CDH18: variants seen among roughly 807,000 people sequenced by gnomAD.
The protein encoded by CDH18 is cadherin-18.
CDH18 carries 31 observed loss-of-function variants against 67.9 expected under a neutral mutation model. That is an observed-to-expected ratio of 0.46 (90% CI 0.34 to 0.62). The LOEUF is 0.62. CDH18 is among the 20% of genes least tolerant of loss of function. The pLI is 0.01. For synonymous variants in CDH18, 362 were observed against 347.2 expected (o/e 1.04, Z -0.48); for missense variants, 890 against 975.5 (o/e 0.91, Z 1.17).
chr5:20,311,900 T>C (rs1737030991), intron 1 of CDH18, among the ~76,000 whole-genome samples: 1 of 152,206 alleles, frequency 6.6e-6, no homozygotes, highest in African/African-American at 2.4e-5. Flanking sequence ...TCACATTTTT[T>C]TGAAGGAGTC....
intron 2 of CDH18, among the ~76,000 whole-genome samples, chr5:20,003,871 T>C (rs1438997246): frequency 2.0e-5 from 3 of 152,222 alleles, no homozygotes; most frequent in Non-Finnish European, 4.4e-5. Flanking sequence ...CACTCCAGCC[T>C]GGTCGACAGA....
chr5:20,120,798 A>C (rs1748289265), intron 2 of CDH18, among the ~76,000 whole-genome samples: 1 of 152,174 alleles, frequency 6.6e-6, no homozygotes, highest in Non-Finnish European at 1.5e-5. Flanking sequence ...GCATGAGAGC[A>C]TGTTTCATTC....
chr5:20,110,018 A>G (rs1317436517), intron 2 of CDH18, among the ~76,000 whole-genome samples: 2 of 152,192 alleles, frequency 1.3e-5, no homozygotes, highest in Non-Finnish European at 2.9e-5. Context: ...AAAGAGAGGC[A>G]GAGAGAGATC....
chr5:19,839,516 A>C (rs76512691), intron 2 of CDH18, among the ~76,000 whole-genome samples: 117 of 152,310 alleles, frequency 7.7e-4, no homozygotes, highest in African/African-American at 2.6e-3. Flanking sequence ...CTACACATGA[A>C]TTACCTACTG....
At chr5:20,126,634 AAG>A in intron 2 of CDH18, among the ~76,000 whole-genome samples, 1 of 152,306 alleles carries the variant, frequency 6.6e-6, no homozygotes, top group Non-Finnish European at 1.5e-5. Context: ...CCAAATTTCC[AAG>A]TTAAAAATTT....
chr5:20,054,194 A>G (rs144889415), intron 2 of CDH18, among the ~76,000 whole-genome samples: 141 of 152,296 alleles, frequency 9.3e-4, no homozygotes, highest in African/African-American at 3.1e-3. Context: ...GCAGGATGTT[A>G]CATCCCCAAA....
chr5:19,881,473 T>A (rs1242876918), intron 2 of CDH18, among the ~76,000 whole-genome samples: 1 of 151,822 alleles, frequency 6.6e-6, no homozygotes, highest in African/African-American at 2.4e-5. Flanking sequence ...TGTTCATTAT[T>A]CAAACGCTGA....
chr5:19,908,696 C>T (rs1027206289), intron 2 of CDH18, among the ~76,000 whole-genome samples: 2 of 152,058 alleles, frequency 1.3e-5, no homozygotes, highest in African/African-American at 2.4e-5. Flanking sequence ...TGTCATATGG[C>T]CTATTTTCAT....
Position 19,809,550 on chromosome 5 carries a change from C to T in CDH18, c.228+29209G>A, listed in dbSNP as rs534490947. Among the ~76,000 whole-genome samples, 125 of 152,200 alleles carry T rather than the reference C, an allele frequency of 8.2e-4. 1 individual carries two copies. Among genetic ancestry groups the T allele is most frequent in the African/African-American group, 2.5e-3 (102 of 41,522 alleles). ...TAATAAAAAAAAATTAGACTATATA[C>T]TCACCAGCTTTAAAAAGTAGCAAAG... On this transcript the variant is annotated intron_variant, in intron 3 of 12. Transcript: ENST00000382275.
chr5:20,072,644 C>T (rs1743582017), intron 2 of CDH18, among the ~76,000 whole-genome samples: 1 of 151,788 alleles, frequency 6.6e-6, no homozygotes, highest in Non-Finnish European at 1.5e-5. Flanking sequence ...AGTGCACGTG[C>T]AATGAACAGT....
At chr5:20,326,666 G>A (rs1352307230) in intron 1 of CDH18, among the ~76,000 whole-genome samples, 2 of 151,430 alleles carry the variant, frequency 1.3e-5, no homozygotes, top group African/African-American at 4.9e-5. Context: ...AGCTTTCTGA[G>A]TAGCTGGCAC....
intron 1 of CDH18, among the ~76,000 whole-genome samples, chr5:20,566,954 A>G (rs993657210): frequency 2.6e-5 from 4 of 152,144 alleles, no homozygotes; most frequent in Non-Finnish European, 5.9e-5. Context: ...CCATTAGCCA[A>G]TTGTTCAATA....
intron 2 of CDH18, among the ~76,000 whole-genome samples, chr5:20,143,828 A>G (rs1750429552): frequency 6.6e-6 from 1 of 152,160 alleles, no homozygotes; most frequent in Admixed American, 6.6e-5. Flanking sequence ...CAGATCGCAT[A>G]CCGTGGAAAC....
At chr5:20,507,483 T>C (rs1754728862) in intron 1 of CDH18, among the ~76,000 whole-genome samples, 1 of 152,168 alleles carries the variant, frequency 6.6e-6, no homozygotes, top group Admixed American at 6.6e-5. Context: ...GATAGAGATG[T>C]AGTTATGGAT....
At chr5:19,657,043 A>T (rs948671004) in intron 5 of CDH18, among the ~76,000 whole-genome samples, 1 of 152,106 alleles carries the variant, frequency 6.6e-6, no homozygotes, top group African/African-American at 2.4e-5. Flanking sequence ...TATTAGTCTT[A>T]GGTCTTACAG....
At chr5:19,850,871 A>T (rs538486605) in intron 2 of CDH18, among the ~76,000 whole-genome samples, 1 of 152,012 alleles carries the variant, frequency 6.6e-6, no homozygotes, top group East Asian at 1.9e-4. Context: ...CGTGCTGTAC[A>T]TATATCCAGT....
At chr5:19,904,510 C>G (rs1790327515) in intron 2 of CDH18, among the ~76,000 whole-genome samples, 1 of 151,844 alleles carries the variant, frequency 6.6e-6, no homozygotes, top group African/African-American at 2.4e-5. Flanking sequence ...CTATGCCTAC[C>G]TTAGGGAAAT....
At chr5:19,899,367 T>C (rs182226866) in intron 2 of CDH18, among the ~76,000 whole-genome samples, 11 of 149,724 alleles carry the variant, frequency 7.3e-5, no homozygotes, top group Admixed American at 1.3e-4. Flanking sequence ...GCCATTGCAC[T>C]CCAGCCTGGG....
At chr5:20,519,291 TA>T (rs1246606838) in intron 1 of CDH18, among the ~76,000 whole-genome samples, 1 of 152,112 alleles carries the variant, frequency 6.6e-6, no homozygotes, top group Non-Finnish European at 1.5e-5. Flanking sequence ...TATGCAGCCA[TA>T]AAAAATGATG....
Sources: allele counts gnomAD v4.1 joint callset (sites outside exome capture counted in the v4.1 genomes callset), GRCh38; gene constraint gnomAD v4.1.1; transcripts MANE v1.5; gene names NCBI Gene and HGNC (gene_info 2026-07-23, HGNC 2026-07-21).